The following UBE2M variants were observed in gnomAD, a reference collection of about 807,000 sequenced individuals.
UBE2M encodes the protein NEDD8-conjugating enzyme Ubc12.
UBE2M carries 2 observed loss-of-function variants against 23.5 expected under a neutral mutation model. That is an observed-to-expected ratio of 0.09 (90% confidence interval 0.03 to 0.27). The LOEUF is 0.27. UBE2M is among the 10% of genes least tolerant of loss of function. The pLI, the probability that UBE2M is intolerant of heterozygous loss-of-function variation, is 1.00. For missense variants in UBE2M, 103 were observed against 232.9 expected, an observed-to-expected ratio of 0.44 and a Z score of 3.63; for synonymous variants, 97 against 95.2, an observed-to-expected ratio of 1.02 and a Z score of -0.11.
chr19:58,556,942 A>AG lies in UBE2M; in HGVS notation c.205-13dup, dbSNP rs2053895333. On this transcript the variant is annotated splice_polypyrimidine_tract_variant and intron_variant, in intron 2 of 5. Transcript: ENST00000253023. The surrounding 1 kb of genome is among the most constrained non-coding windows in gnomAD (Gnocchi z 4.9). Reference sequence around the variant, plus strand: ...CTCTTGTAGAAGCCCTGGGAGGAAAAGGGGGAGAAGAAAATTTTAGGGTTC... The same window carrying AG: ...CTCTTGTAGAAGCCCTGGGAGGAAAAGGGGGGAGAAGAAAATTTTAGGGTTC... 1 of 1,613,868 alleles carries AG rather than the reference A, an allele frequency of 6.2e-7. No homozygotes were observed. Among genetic ancestry groups the AG allele is most frequent in the African/African-American group, 1.3e-5 (1 of 74,874 alleles).
At position 58,556,497 on chromosome 19, in the gene UBE2M, G is replaced by A; in HGVS notation, c.348-118C>T. 7 of 1,207,872 alleles carry A rather than the reference G, an allele frequency of 5.8e-6. No homozygotes were observed. Among genetic ancestry groups the A allele is most frequent in the East Asian group, 2.5e-5 (1 of 40,208 alleles). 74.8% of individuals were successfully genotyped at this position (1,207,872 alleles called of 1,614,324 possible). On this transcript the variant is annotated intron_variant, in intron 4 of 5. Transcript: ENST00000253023. This position sits in a 1 kb window ranked among gnomAD's most constrained non-coding sequence, Gnocchi z 4.9. ...AGAGTGAGCATGTGAGAGGCTGGGAGGGAGGGTGTGGAGCAGGACAGGCCA... is the reference window on the plus strand; with the variant it reads ...AGAGTGAGCATGTGAGAGGCTGGGAAGGAGGGTGTGGAGCAGGACAGGCCA...
rs539343931 is a variant in UBE2M, at chr19:58,558,205, C to T, written c.109+68G>A. The stretch of plus-strand genomic sequence containing the variant: ...GCAACCGCATTACCCCTTCCTGACT[C>T]CCACATCACCCTGCCTCAGGCCCTG... On this transcript the variant is annotated intron_variant, in intron 1 of 5. Transcript: ENST00000253023. The surrounding 1 kb of genome is among the most constrained non-coding windows in gnomAD (Gnocchi z 4.7). 3.8e-4 allele frequency: 523 copies of T among 1,392,024 alleles called. 1 individual carries two copies. The highest frequency in any genetic ancestry group is 3.5e-3 in the African/African-American group (234 of 67,492). 86.2% of individuals were successfully genotyped at this position (1,392,024 alleles called of 1,614,324 possible). A position where few individuals can be genotyped will look rare whatever the true frequency, so the allele number is the denominator to read the frequency against.
chr19:58,556,894 T>G lies in UBE2M; in HGVS notation c.241A>C (p.Lys81Gln), dbSNP rs1267671825. 6.2e-7 allele frequency: 1 copy of G among 1,614,022 alleles called. No individual in the cohort carries two copies. ...ATCCCTGCCCGCCTGGGACTCACCT[T>G]AAAACTGAACACAAACTTCCCACTC... The part of the protein sequence containing the change: ...YKSGKFVFSF[K>Q]VGQGYPHDPP... Residue 81 changes from lysine (K) to glutamine (Q), a missense_variant and splice_region_variant, in exon 3 of 6, where the codon AAG becomes CAG. Lys to Gln is a moderately conservative substitution (Grantham distance 53). This residue lies in a region of UBE2M where 57 missense variants were observed against 103.3 expected (regional missense o/e 0.55). Coordinates refer to ENST00000253023, the MANE Select transcript of UBE2M (RefSeq NM_003969.4). This position sits in a 1 kb window ranked among gnomAD's most constrained non-coding sequence, Gnocchi z 4.9.
chr19:58,557,597 CTCTG>C (rs1348805720), intron 1 of UBE2M, among the ~76,000 whole-genome samples: 1 of 151,714 alleles, frequency 6.6e-6, no homozygotes, highest in African/African-American at 2.4e-5. Context: ...CCTTCCTCTT[CTCTG>C]TCTCTCAGAC....
In UBE2M at chr19:58,556,414, G is replaced by C. The variant is rs1425753832; in HGVS notation, c.348-35C>G. 6 of 1,608,994 alleles carry C rather than the reference G, an allele frequency of 3.7e-6. No homozygotes were observed. Among genetic ancestry groups the C allele is most frequent in the Non-Finnish European group, 8.5e-7 (1 of 1,176,790 alleles). Reference sequence around the variant, plus strand: ...GAGAGCATCAGGGTCAGGGCTTGGTGAGTGGGAGACTGCCACAGGCCCCTC... The same window carrying C: ...GAGAGCATCAGGGTCAGGGCTTGGTCAGTGGGAGACTGCCACAGGCCCCTC... On this transcript the variant is annotated intron_variant, in intron 4 of 5. Transcript: ENST00000253023. The surrounding 1 kb of genome is among the most constrained non-coding windows in gnomAD (Gnocchi z 4.9).
rs1600090994 is a variant in UBE2M, at chr19:58,556,246, T to G, written c.412-17A>C. 5 of 1,613,704 alleles carry G rather than the reference T, an allele frequency of 3.1e-6. No homozygotes were observed. The highest frequency in any genetic ancestry group is 3.3e-4 in the Middle Eastern group (2 of 6,060). ...GTTGGGCTCCTGTGGCCAGTACAGG[T>G]AGGGGGGGTCAACAGGCCAGAGGGA... On this transcript the variant is annotated splice_polypyrimidine_tract_variant and intron_variant, in intron 5 of 5. Coordinates refer to ENST00000253023, the MANE Select transcript of UBE2M (RefSeq NM_003969.4). The surrounding 1 kb of genome is among the most constrained non-coding windows in gnomAD (Gnocchi z 4.9).
chr19:58,557,233 T>A, intron 1 of UBE2M, 76 bp from the exon 2 acceptor site: 2 of 1,455,994 alleles, frequency 1.4e-6, no homozygotes, highest in Non-Finnish European at 1.9e-6. Flanking sequence ...AGCAGGACAC[T>A]TAGGGCGGGT....
chr19:58,556,806 GAA>G lies in UBE2M; in HGVS notation c.244-18_244-17del, dbSNP rs554983565. 2.5e-6 allele frequency: 4 copies of G among 1,606,584 alleles called. No homozygotes were observed. The East Asian group carries it at 6.7e-5, about 27-fold the overall frequency. ...CCTGGCCCACCTGGCTCCAGGAAAA[GAA>G]AAGAGAGATGGGTAGGTGCCTGGAA... On this transcript the variant is annotated splice_polypyrimidine_tract_variant and intron_variant, in intron 3 of 5. Coordinates refer to ENST00000253023, the MANE Select transcript of UBE2M (RefSeq NM_003969.4). This position sits in a 1 kb window ranked among gnomAD's most constrained non-coding sequence, Gnocchi z 4.9.
At chr19:58,557,225 C>G in intron 1 of UBE2M, 68 bp from the exon 2 acceptor site, 2 of 1,485,278 alleles carry the variant, frequency 1.3e-6, no homozygotes, top group South Asian at 2.3e-5. Context: ...AGGGAGCCAG[C>G]AGGACACTTA....
In UBE2M at chr19:58,556,713, C is replaced by T. The variant is rs1257086267; in HGVS notation, c.321G>A (p.Glu107=). 7 of 1,532,306 alleles carry T rather than the reference C, an allele frequency of 4.6e-6. No homozygotes were observed. Among genetic ancestry groups the T allele is most frequent in the Non-Finnish European group, 6.1e-6 (7 of 1,141,502 alleles). The allele number at this position is 1,532,306 out of a possible 1,614,324, so 94.9% of individuals were successfully genotyped here. A position where few individuals can be genotyped will look rare whatever the true frequency, so the allele number is the denominator to read the frequency against. ...TGAGGATGTTGAGGCAGACGTTGCC[C>T]TCGAGGTCAATGTTGGGGTGATAGA... ...TMVYHPNIDL[E]GNVCLNILRE... Residue 107 remains glutamate (E), a synonymous_variant, in exon 4 of 6, where the codon GAG becomes GAA. Transcript: ENST00000253023. This position sits in a 1 kb window ranked among gnomAD's most constrained non-coding sequence, Gnocchi z 4.9.
In UBE2M at chr19:58,558,229, TGACCTCC is replaced by T. The variant is rs761048755; in HGVS notation, c.109+37_109+43del. The T allele has an allele frequency of 2.6e-6, 4 of 1,545,742 alleles. No individual in the cohort carries two copies. Among genetic ancestry groups the T allele is most frequent in the African/African-American group, 2.8e-5 (2 of 72,196 alleles). ...TCCCACATCACCCTGCCTCAGGCCC[TGACCTCC>T]GACCTCCGGCTCCAACCCCATCCCC... On this transcript the variant is annotated intron_variant, in intron 1 of 5. Transcript: ENST00000253023. The surrounding 1 kb of genome is among the most constrained non-coding windows in gnomAD (Gnocchi z 4.7).
In UBE2M at chr19:58,558,455, G is replaced by T; in HGVS notation, c.-74C>A. ...GCCACCCGGCCCCCCGCCGCCGCCC[G>T]CGTCGCCTCCGCTCCTCGGACCCGC... On this transcript the variant is annotated 5_prime_UTR_variant, in exon 1 of 6. Coordinates refer to ENST00000253023, the MANE Select transcript of UBE2M (RefSeq NM_003969.4). The surrounding 1 kb of genome is among the most constrained non-coding windows in gnomAD (Gnocchi z 4.7). The T allele has an allele frequency of 1.2e-6, 1 of 823,768 alleles. No individual in the cohort carries two copies. 51.0% of individuals were successfully genotyped at this position (823,768 alleles called of 1,614,324 possible). A position where few individuals can be genotyped will look rare whatever the true frequency, so the allele number is the denominator to read the frequency against.
rs778718653 is a variant in UBE2M, at chr19:58,558,402, T to TGCCGCC, written c.-27_-22dup. ...ATCATCCTGCCGCCGCCGCCGCCGC[T>TGCCGCC]GCCGCCGCCGCGGGGCCCGGGACCC... is the stretch of plus-strand genomic sequence containing the variant. On this transcript the variant is annotated 5_prime_UTR_variant, in exon 1 of 6. Transcript: ENST00000253023. This position sits in a 1 kb window ranked among gnomAD's most constrained non-coding sequence, Gnocchi z 4.7. 1.6e-6 allele frequency: 2 copies of TGCCGCC among 1,284,578 alleles called. No homozygotes were observed. The highest frequency in any genetic ancestry group is 2.0e-6 in the Non-Finnish European group (2 of 993,956). The allele number at this position is 1,284,578 out of a possible 1,614,324, so 79.6% of individuals were successfully genotyped here. A position where few individuals can be genotyped will look rare whatever the true frequency, so the allele number is the denominator to read the frequency against.
rs546560699 is a variant in UBE2M at position 58,558,105 on chromosome 19, G to T, written c.109+168C>A. 3.3e-5 allele frequency among the ~76,000 whole-genome samples: 5 copies of T among 150,096 alleles called. No individual in the cohort carries two copies. The highest frequency in any genetic ancestry group is 3.3e-4 in the Admixed American group (5 of 15,082). On this transcript the variant is annotated intron_variant, in intron 1 of 5. Coordinates refer to ENST00000253023, the MANE Select transcript of UBE2M (RefSeq NM_003969.4). The surrounding 1 kb of genome is among the most constrained non-coding windows in gnomAD (Gnocchi z 4.7). Reference sequence around the variant, plus strand: ...CCCCTATCTCTGACCCCCTCCCCGTGACTGCATGATCCCAACCCTCAAGAC... The same window carrying T: ...CCCCTATCTCTGACCCCCTCCCCGTTACTGCATGATCCCAACCCTCAAGAC...
At position 58,556,928 on chromosome 19, in the gene UBE2M, G is replaced by A. The variant is rs780236984; in HGVS notation, c.207C>T (p.Gly69=). Reference sequence around the variant, plus strand: ...ACACAAACTTCCCACTCTTGTAGAAGCCCTGGGAGGAAAAGGGGGAGAAGA... The same window carrying A: ...ACACAAACTTCCCACTCTTGTAGAAACCCTGGGAGGAAAAGGGGGAGAAGA... The part of the protein sequence containing the change: ...NFKLVICPDE[G]FYKSGKFVFS... The change falls in exon 3 of 6, where the codon GGC becomes GGT. Residue 69 remains glycine, a splice_region_variant and synonymous_variant. Transcript: ENST00000253023. The surrounding 1 kb of genome is among the most constrained non-coding windows in gnomAD (Gnocchi z 4.9). The A allele has an allele frequency of 6.2e-6, 10 of 1,613,942 alleles. No individual in the cohort carries two copies. The Admixed American group carries it at 1.0e-4, about 16-fold the overall frequency.
Position 58,556,813 on chromosome 19 carries a change from G to A in UBE2M, c.244-23C>T, listed in dbSNP as rs1279779616. On this transcript the variant is annotated intron_variant, in intron 3 of 5. Coordinates refer to ENST00000253023, the MANE Select transcript of UBE2M (RefSeq NM_003969.4). This position sits in a 1 kb window ranked among gnomAD's most constrained non-coding sequence, Gnocchi z 4.9. ...CACCTGGCTCCAGGAAAAGAAAAGA[G>A]AGATGGGTAGGTGCCTGGAAGGGCC... 1 of 1,608,878 alleles carries A rather than the reference G, an allele frequency of 6.2e-7. No homozygotes were observed. Among genetic ancestry groups the A allele is most frequent in the Non-Finnish European group, 8.5e-7 (1 of 1,177,612 alleles).
chr19:58,557,917 A>G (rs1362371437), intron 1 of UBE2M, among the ~76,000 whole-genome samples: 1 of 151,288 alleles, frequency 6.6e-6, no homozygotes, highest in Non-Finnish European at 1.5e-5. Flanking sequence ...CCTGGCCTCT[A>G]CTATCCCTCT....
chr19:58,558,086 T>A lies in UBE2M; in HGVS notation c.109+187A>T, dbSNP rs1448943806. Among the ~76,000 whole-genome samples, 1 of 151,024 alleles carries A rather than the reference T, an allele frequency of 6.6e-6. No individual in the cohort carries two copies. Among genetic ancestry groups the A allele is most frequent in the Non-Finnish European group, 1.5e-5 (1 of 67,742 alleles). ...TAAACCACCACATACCGGGCCCCTA[T>A]CTCTGACCCCCTCCCCGTGACTGCA... On this transcript the variant is annotated intron_variant, in intron 1 of 5. Coordinates refer to ENST00000253023, the MANE Select transcript of UBE2M (RefSeq NM_003969.4). The surrounding 1 kb of genome is among the most constrained non-coding windows in gnomAD (Gnocchi z 4.7).
chr19:58,556,942 A>C lies in UBE2M; in HGVS notation c.205-12T>G, dbSNP rs1314125090. On this transcript the variant is annotated splice_polypyrimidine_tract_variant and intron_variant, in intron 2 of 5. Transcript: ENST00000253023. This position sits in a 1 kb window ranked among gnomAD's most constrained non-coding sequence, Gnocchi z 4.9. ...CTCTTGTAGAAGCCCTGGGAGGAAA[A>C]GGGGGAGAAGAAAATTTTAGGGTTC... is the stretch of plus-strand genomic sequence containing the variant. 1.2e-6 allele frequency: 2 copies of C among 1,613,868 alleles called. No individual in the cohort carries two copies. Among genetic ancestry groups the C allele is most frequent in the Non-Finnish European group, 1.7e-6 (2 of 1,179,978 alleles).
Sources: allele counts gnomAD v4.1 joint callset (sites outside exome capture counted in the v4.1 genomes callset), GRCh38; gene constraint gnomAD v4.1.1; regional missense constraint gnomAD v4.1.1; non-coding constraint Gnocchi (gnomAD v3.1); transcripts MANE v1.5; gene names NCBI Gene and HGNC (gene_info 2026-07-23, HGNC 2026-07-21).